Variants in SLC44A5 observed in about 807,000 individuals in gnomAD.
SLC44A5 encodes solute carrier family 44 member 5, also known as choline transporter-like protein 5.
Under a neutral mutation model 101.8 loss-of-function variants are expected in SLC44A5, and 57 were observed. The ratio of observed to expected loss-of-function variants is 0.56; its 90% confidence interval spans 0.45 to 0.70. The LOEUF is 0.70. SLC44A5 is among the 30% of genes least tolerant of loss of function. SLC44A5 has a pLI of 0.00. For synonymous variants in SLC44A5, 281 were observed against 290.9 expected, an observed-to-expected ratio of 0.97 and a Z score of 0.35; for missense variants, 737 against 853.1, an observed-to-expected ratio of 0.86 and a Z score of 1.70.
chr1:75,704,158 T>TA, the SLC44A5 span, among the ~76,000 whole-genome samples: 1 of 152,166 alleles, frequency 6.6e-6, no homozygotes, highest in Non-Finnish European at 1.5e-5. Flanking sequence ...AACCCAGCCC[T>TA]AAAAGCTCTT....
At position 75,280,464 on chromosome 1, in the gene SLC44A5, T is replaced by C. The variant is rs1264866200; in HGVS notation, c.176-5422A>G. 5.1e-5 allele frequency among the ~76,000 whole-genome samples: 6 copies of C among 116,980 alleles called. No homozygotes were observed. In the South Asian group the frequency reaches 1.2e-3, roughly 23 times the overall value. 76.7% of individuals were successfully genotyped at this position (116,980 alleles called of 152,430 possible). A position where few individuals can be genotyped will look rare whatever the true frequency, so the allele number is the denominator to read the frequency against. The stretch of plus-strand genomic sequence containing the variant: ...TATAGTATATATTATATATAGTATA[T>C]ATAATATATAATTGTATATATTATA... On this transcript the variant is annotated intron_variant, in intron 5 of 23. Coordinates refer to ENST00000370859, the MANE Select transcript of SLC44A5 (RefSeq NM_001130058.2).
chr1:75,463,819 A>C (rs1666652440), intron 2 of SLC44A5, among the ~76,000 whole-genome samples: 2 of 152,236 alleles, frequency 1.3e-5, no homozygotes, highest in African/African-American at 4.8e-5. Flanking sequence ...AGAATATTAC[A>C]ACACTGTAAC....
intron 2 of SLC44A5, among the ~76,000 whole-genome samples, chr1:75,469,789 A>G (rs907147475): frequency 1.3e-5 from 2 of 151,422 alleles, no homozygotes; most frequent in Admixed American, 1.3e-4. Context: ...AGTCCTAGCT[A>G]CTCAGGAAGC....
the SLC44A5 span, among the ~76,000 whole-genome samples, chr1:75,679,705 T>A: frequency 6.6e-6 from 1 of 151,640 alleles, no homozygotes; most frequent in Non-Finnish European, 1.5e-5. Flanking sequence ...CTGCATCAAC[T>A]AACAAGCAAA....
chr1:75,347,343 C>A (rs1456879898), intron 3 of SLC44A5, among the ~76,000 whole-genome samples: 1 of 152,156 alleles, frequency 6.6e-6, no homozygotes, highest in Non-Finnish European at 1.5e-5. Flanking sequence ...CATCCCTATT[C>A]CTGGGCCTAA....
chr1:75,479,049 A>G (rs987033496), intron 2 of SLC44A5, among the ~76,000 whole-genome samples: 3 of 152,156 alleles, frequency 2.0e-5, no homozygotes, highest in African/African-American at 2.4e-5. Context: ...ATAAGAAACT[A>G]TCTCTCAGAC....
intron 1 of SLC44A5, among the ~76,000 whole-genome samples, chr1:75,608,517 A>C (rs1405291053): frequency 6.6e-6 from 1 of 152,044 alleles, no homozygotes; most frequent in African/African-American, 2.4e-5. Flanking sequence ...AATGTAAGTC[A>C]GATCATATTT....
At chr1:75,413,055 G>A (rs181741559) in intron 2 of SLC44A5, among the ~76,000 whole-genome samples, 1 of 152,240 alleles carries the variant, frequency 6.6e-6, no homozygotes, top group East Asian at 1.9e-4. Flanking sequence ...GGTGAGTATA[G>A]TACAATATGG....
At chr1:75,665,348 T>A in the SLC44A5 span, among the ~76,000 whole-genome samples, 3 of 152,058 alleles carry the variant, frequency 2.0e-5, no homozygotes, top group Admixed American at 1.3e-4. Flanking sequence ...AAATAAGCAG[T>A]AGGGAAAGAA....
chr1:75,376,334 C>A (rs1660606532), intron 3 of SLC44A5, among the ~76,000 whole-genome samples: 1 of 152,212 alleles, frequency 6.6e-6, no homozygotes, highest in Non-Finnish European at 1.5e-5. Context: ...TGGAGCCCAC[C>A]ACAGCTCAAG....
At chr1:75,307,665 A>C (rs1293802977) in intron 4 of SLC44A5, among the ~76,000 whole-genome samples, 3 of 152,190 alleles carry the variant, frequency 2.0e-5, no homozygotes, top group Non-Finnish European at 4.4e-5. Context: ...ATCCTCTAAG[A>C]GCTTGCGTTT....
chr1:75,575,397 C>A (rs1014417363), intron 1 of SLC44A5, among the ~76,000 whole-genome samples: 9 of 151,234 alleles, frequency 6.0e-5, no homozygotes, highest in African/African-American at 9.7e-5. Flanking sequence ...CACCAAGTGA[C>A]AAATGAATCA....
At chr1:75,684,756 G>A in the SLC44A5 span, among the ~76,000 whole-genome samples, 2 of 152,170 alleles carry the variant, frequency 1.3e-5, no homozygotes, top group African/African-American at 2.4e-5. Flanking sequence ...TTCACAGGCT[G>A]GTGTTGAGTG....
At chr1:75,690,770 C>T in the SLC44A5 span, among the ~76,000 whole-genome samples, 1 of 152,102 alleles carries the variant, frequency 6.6e-6, no homozygotes, top group Non-Finnish European at 1.5e-5. Context: ...ATGTGTGGGA[C>T]CATAGTGCTG....
intron 2 of SLC44A5, among the ~76,000 whole-genome samples, chr1:75,494,641 A>G (rs527601616): frequency 6.6e-6 from 1 of 152,274 alleles, no homozygotes; most frequent in South Asian, 2.1e-4. Flanking sequence ...TTACCTGAGA[A>G]GCTGGTCTCT....
At chr1:75,484,448 C>A (rs1327672773) in intron 2 of SLC44A5, among the ~76,000 whole-genome samples, 3 of 152,204 alleles carry the variant, frequency 2.0e-5, no homozygotes, top group South Asian at 2.1e-4. Flanking sequence ...ATCCAGCACA[C>A]ACTGATGCAA....
chr1:75,397,681 C>T (rs1263697125), intron 2 of SLC44A5, among the ~76,000 whole-genome samples: 1 of 152,068 alleles, frequency 6.6e-6, no homozygotes, highest in Non-Finnish European at 1.5e-5. Context: ...AAATGAGAAT[C>T]CAAGGTTCCC....
At chr1:75,637,274 T>A in the SLC44A5 span, among the ~76,000 whole-genome samples, 1 of 151,932 alleles carries the variant, frequency 6.6e-6, no homozygotes, top group African/African-American at 2.4e-5. Flanking sequence ...CATCCATCAA[T>A]ATATGAGTGG....
In SLC44A5 at chr1:75,345,403, A is replaced by G. The variant is rs538256147; in HGVS notation, c.53-5773T>C. ...AACCTTCCATTTTTTCATCCATAAAATGATAGATAATGGAGGGAAAAAAAG... is the reference window on the plus strand; with the variant it reads ...AACCTTCCATTTTTTCATCCATAAAGTGATAGATAATGGAGGGAAAAAAAG... On this transcript the variant is annotated intron_variant, in intron 3 of 23. Coordinates refer to ENST00000370859, the MANE Select transcript of SLC44A5 (RefSeq NM_001130058.2). Among the ~76,000 whole-genome samples, 27 of 152,252 alleles carry G rather than the reference A, an allele frequency of 1.8e-4. No individual in the cohort carries two copies. The East Asian group carries it at 4.6e-3, about 26-fold the overall frequency.
Sources: gnomAD v4.1 joint callset for allele counts (sites outside exome capture counted in the v4.1 genomes callset) on GRCh38, gnomAD v4.1.1 for gene constraint, MANE v1.5 for transcripts, NCBI Gene and HGNC (gene_info 2026-07-23, HGNC 2026-07-21) for gene names.